Variants in MTPN observed in about 807,000 individuals in gnomAD.
The protein encoded by MTPN is myotrophin, also known as granule cell differentiation protein.
MTPN carries 2 observed loss-of-function variants against 13.5 expected under a neutral mutation model. That is an observed-to-expected ratio of 0.15 (90% CI 0.06 to 0.47). MTPN has a LOEUF of 0.47. Ranked by LOEUF, MTPN falls within the 20% of genes least tolerant of loss-of-function variation. The pLI is 0.97. For synonymous variants in MTPN, 46 were observed against 51.7 expected (o/e 0.89, Z 0.48); for missense variants, 79 against 137.9 (o/e 0.57, Z 2.14).
intron 3 of MTPN, among the ~76,000 whole-genome samples, chr7:135,937,286 T>C (rs1376615376): frequency 1.3e-5 from 2 of 152,202 alleles, no homozygotes; most frequent in South Asian, 2.1e-4. Context: ...TTTGTTTCCA[T>C]GCAAAATTTA....
rs1798987580 is a variant in MTPN, at chr7:135,929,801, T to C, written c.*125A>G. On this transcript the variant is annotated 3_prime_UTR_variant, in exon 4 of 4. Coordinates refer to ENST00000393085, the MANE Select transcript of MTPN (RefSeq NM_145808.4). ...TAGTCGGATTTGTTATGAATTTCTCTCTCCCCTCACCCCTCTTAAAGTATT... is the reference window on the plus strand; with the variant it reads ...TAGTCGGATTTGTTATGAATTTCTCCCTCCCCTCACCCCTCTTAAAGTATT... 5.3e-6 allele frequency: 5 copies of C among 944,282 alleles called. No individual in the cohort carries two copies. The highest frequency in any genetic ancestry group is 8.3e-6 in the Non-Finnish European group (5 of 605,510). The allele number at this position is 944,282 out of a possible 1,614,324, so 58.5% of individuals were successfully genotyped here. A position where few individuals can be genotyped will look rare whatever the true frequency, so the allele number is the denominator to read the frequency against.
intron 3 of MTPN, among the ~76,000 whole-genome samples, chr7:135,931,034 C>A (rs1584803521): frequency 6.6e-6 from 1 of 152,240 alleles, no homozygotes; most frequent in Middle Eastern, 3.4e-3. Flanking sequence ...CAGTTAACCG[C>A]TCCATGCTCT....
intron 1 of MTPN, among the ~76,000 whole-genome samples, chr7:135,961,608 CT>C (rs1016583085): frequency 4.6e-5 from 7 of 151,992 alleles, no homozygotes; most frequent in African/African-American, 1.7e-4. Flanking sequence ...GCAACCCAGC[CT>C]CCCCAGTAGC....
At chr7:135,930,395 AATT>A (rs1319414225) in intron 3 of MTPN, among the ~76,000 whole-genome samples, 4 of 152,170 alleles carry the variant, frequency 2.6e-5, no homozygotes, top group Non-Finnish European at 5.9e-5. Context: ...TCCTGTGACA[AATT>A]ATTTTTTTCT....
In MTPN at chr7:135,959,770, G is replaced by A. The variant is rs573588384; in HGVS notation, c.73-8140C>T. On this transcript the variant is annotated intron_variant, in intron 1 of 3. Coordinates refer to ENST00000393085, the MANE Select transcript of MTPN (RefSeq NM_145808.4). ...TTTTTTAACAGTACTACAAGCAAGGGAAGATTTTTCTAGTTTGTCAGTATT... is the reference window on the plus strand; with the variant it reads ...TTTTTTAACAGTACTACAAGCAAGGAAAGATTTTTCTAGTTTGTCAGTATT... Among the ~76,000 whole-genome samples, 5 of 151,558 alleles carry A rather than the reference G, an allele frequency of 3.3e-5. No individual in the cohort carries two copies. In the East Asian group the frequency reaches 9.7e-4, roughly 29 times the overall value.
At chr7:135,974,641 G>A (rs1385407821) in intron 1 of MTPN, among the ~76,000 whole-genome samples, 1 of 152,190 alleles carries the variant, frequency 6.6e-6, no homozygotes, top group African/African-American at 2.4e-5. Flanking sequence ...GGAATGTTGA[G>A]GAGAGTTTTT....
chr7:135,932,294 C>G (rs1160137168), intron 3 of MTPN: 1 of 152,134 alleles, frequency 6.6e-6, no homozygotes, highest in Non-Finnish European at 1.5e-5. Context: ...AAAAAGCTGA[C>G]AAGTTCCTGC....
intron 3 of MTPN, among the ~76,000 whole-genome samples, chr7:135,938,148 A>G (rs749090279): frequency 3.9e-5 from 6 of 152,172 alleles, no homozygotes; most frequent in Non-Finnish European, 7.4e-5. Context: ...TTATTGTGCT[A>G]TTATTTTTCT....
intron 1 of MTPN, among the ~76,000 whole-genome samples, chr7:135,956,911 T>C (rs1799450832): frequency 1.3e-5 from 2 of 152,302 alleles, no homozygotes; most frequent in South Asian, 4.1e-4. Context: ...GGATTGTCTG[T>C]ATTTGCTATC....
At chr7:135,951,340 A>C (rs1238260145) in intron 2 of MTPN, among the ~76,000 whole-genome samples, 177 bp downstream of exon 2, 1 of 152,174 alleles carries the variant, frequency 6.6e-6, no homozygotes, top group African/African-American at 2.4e-5. Flanking sequence ...TTTTTGGCTT[A>C]TTTTTAAAAA....
At chr7:135,968,680 A>G (rs1186858307) in intron 1 of MTPN, among the ~76,000 whole-genome samples, 2 of 151,954 alleles carry the variant, frequency 1.3e-5, no homozygotes, top group African/African-American at 2.4e-5. Context: ...TAAAGAATTA[A>G]AAGTTAAAGT....
intron 3 of MTPN, among the ~76,000 whole-genome samples, chr7:135,939,986 A>T (rs867347032): frequency 2.0e-5 from 3 of 152,212 alleles, no homozygotes; most frequent in South Asian, 4.1e-4. Context: ...TTATTTTTTT[A>T]AAAATACTAT....
intron 3 of MTPN, among the ~76,000 whole-genome samples, chr7:135,934,179 T>C (rs1204929663): frequency 1.3e-5 from 2 of 152,168 alleles, no homozygotes; most frequent in Admixed American, 6.5e-5. Flanking sequence ...TTAAGGTAAA[T>C]TGCTACCACA....
chr7:135,971,821 C>A (rs1229440528), intron 1 of MTPN, among the ~76,000 whole-genome samples: 2 of 151,906 alleles, frequency 1.3e-5, no homozygotes, highest in African/African-American at 2.4e-5. Flanking sequence ...ATTTTTGTTT[C>A]TTCCTAAGGC....
chr7:135,977,143 A>T lies in MTPN; in HGVS notation c.-43T>A, dbSNP rs377083560. 2.4e-5 allele frequency: 39 copies of T among 1,603,772 alleles called. No individual in the cohort carries two copies. The highest frequency in any genetic ancestry group is 6.7e-5 in the Admixed American group (4 of 59,980). ...CCGGTTGGCCGGGCAGAAGATGAGGAGGCGGTGGCAGCAGCAAGCGGATGC... is the reference window on the plus strand; with the variant it reads ...CCGGTTGGCCGGGCAGAAGATGAGGTGGCGGTGGCAGCAGCAAGCGGATGC... On this transcript the variant is annotated 5_prime_UTR_variant, in exon 1 of 4. Coordinates refer to ENST00000393085, the MANE Select transcript of MTPN (RefSeq NM_145808.4).
intron 1 of MTPN, among the ~76,000 whole-genome samples, chr7:135,974,411 T>C (rs1399595855): frequency 1.3e-5 from 2 of 152,010 alleles, no homozygotes; most frequent in Non-Finnish European, 2.9e-5. Context: ...TGTCGTGGTG[T>C]ACATCTATGG....
Position 135,929,868 on chromosome 7 carries a change from G to GC in MTPN, c.*57dup, listed in dbSNP as rs1272914419. ...CAGATAGAGAGTGACAGACAGACAG[G>GC]CAGCAGTGTGAGGCCACAGGAGAGT... On this transcript the variant is annotated 3_prime_UTR_variant, in exon 4 of 4. Transcript: ENST00000393085. 6.7e-7 allele frequency: 1 copy of GC among 1,496,194 alleles called. No homozygotes were observed. The highest frequency in any genetic ancestry group is 1.4e-5 in the African/African-American group (1 of 72,588). The allele number at this position is 1,496,194 out of a possible 1,614,324, so 92.7% of individuals were successfully genotyped here.
chr7:135,964,370 G>A (rs971976053), intron 1 of MTPN, among the ~76,000 whole-genome samples: 2 of 151,980 alleles, frequency 1.3e-5, no homozygotes, highest in African/African-American at 4.8e-5. Context: ...GTGCTCAAAT[G>A]GTATTTGCTG....
intron 2 of MTPN, 49 bp from the exon 3 acceptor site, chr7:135,950,731 T>C: frequency 7.1e-7 from 1 of 1,416,410 alleles, no homozygotes. Context: ...CATTTCTTCC[T>C]ACTTTCTAGT....
Sources: allele counts gnomAD v4.1 joint callset (sites outside exome capture counted in the v4.1 genomes callset), GRCh38; gene constraint gnomAD v4.1.1; transcripts MANE v1.5; gene names NCBI Gene and HGNC (gene_info 2026-07-23, HGNC 2026-07-21).